Variants in PRKCE observed in about 807,000 individuals in gnomAD.
PRKCE encodes protein kinase C epsilon type.
Under a neutral mutation model 85.4 loss-of-function variants are expected in PRKCE, and 16 were observed. That is an observed-to-expected ratio of 0.19 (90% CI 0.13 to 0.28). The LOEUF (loss-of-function observed/expected upper bound fraction) is 0.28. Ranked by LOEUF, PRKCE falls within the 10% of genes least tolerant of loss-of-function variation. PRKCE has a pLI of 1.00. For synonymous variants in PRKCE, 388 were observed against 371.5 expected, an observed-to-expected ratio of 1.04 and a Z score of -0.51; for missense variants, 573 against 975.2, an observed-to-expected ratio of 0.59 and a Z score of 5.49.
rs182733246 is a variant in PRKCE, at chr2:45,921,347, A to T, written c.413-55082A>T. On this transcript the variant is annotated intron_variant, in intron 2 of 14. Transcript: ENST00000306156. ...GATGATAGGAAATATAAATTGTTGT[A>T]AAAAAAACACATACGTAGATATAGT... 2.7e-4 allele frequency among the ~76,000 whole-genome samples: 40 copies of T among 148,638 alleles called. 1 individual carries two copies. In the South Asian group the frequency reaches 3.3e-3, roughly 12 times the overall value.
At position 46,011,090 on chromosome 2, in the gene PRKCE, C is replaced by T. The variant is rs145928955; in HGVS notation, c.1437+573C>T. On this transcript the variant is annotated intron_variant, in intron 10 of 14. Transcript: ENST00000306156. Reference sequence around the variant, plus strand: ...CATAACTCCATGGTAGAGTCTGACTCGAGTATTATTAACTAATTTGTTACC... The same window carrying T: ...CATAACTCCATGGTAGAGTCTGACTTGAGTATTATTAACTAATTTGTTACC... 2.8e-4 allele frequency: 115 copies of T among 409,770 alleles called. 2 individuals carry two copies. The highest frequency in any genetic ancestry group is 2.1e-3 in the African/African-American group (105 of 49,086). 25.4% of individuals were successfully genotyped at this position (409,770 alleles called of 1,614,324 possible). A position where few individuals can be genotyped will look rare whatever the true frequency, so the allele number is the denominator to read the frequency against.
chr2:46,045,007 C>T (rs1708433297), intron 10 of PRKCE, among the ~76,000 whole-genome samples: 1 of 152,196 alleles, frequency 6.6e-6, no homozygotes, highest in Non-Finnish European at 1.5e-5. Flanking sequence ...ATACATAAAA[C>T]CATATATGCT....
chr2:45,754,670 TAGG>T (rs1683857389), intron 1 of PRKCE, among the ~76,000 whole-genome samples: 1 of 152,150 alleles, frequency 6.6e-6, no homozygotes, highest in Admixed American at 6.5e-5. Flanking sequence ...ATCCCTCATG[TAGG>T]TGTTTTGAAC....
chr2:45,751,809 A>ATTTTTTTTTTTTT (rs34589907), intron 1 of PRKCE, among the ~76,000 whole-genome samples: 4 of 78,526 alleles, frequency 5.1e-5, no homozygotes, highest in African/African-American at 5.6e-5. Context: ...GCTAACCACT[A>ATTTTTTTTTTTTT]TTTTTTTTTT....
chr2:45,771,566 A>G (rs986641998), intron 1 of PRKCE, among the ~76,000 whole-genome samples: 2 of 152,182 alleles, frequency 1.3e-5, no homozygotes, highest in Non-Finnish European at 2.9e-5. Flanking sequence ...CCTCCCTCTG[A>G]GAGCCGCCCA....
At chr2:46,054,272 G>A (rs1395948484) in intron 10 of PRKCE, among the ~76,000 whole-genome samples, 1 of 152,226 alleles carries the variant, frequency 6.6e-6, no homozygotes, top group Non-Finnish European at 1.5e-5. Flanking sequence ...GATGGGCAGT[G>A]TGGCTATGGG....
In PRKCE at chr2:45,659,493, C is replaced by G. The variant is rs1675534970; in HGVS notation, c.348+7045C>G. 2.6e-5 allele frequency among the ~76,000 whole-genome samples: 4 copies of G among 152,218 alleles called. No individual in the cohort carries two copies. In the South Asian group the frequency reaches 8.3e-4, roughly 32 times the overall value. On this transcript the variant is annotated intron_variant, in intron 1 of 14. Transcript: ENST00000306156. The stretch of plus-strand genomic sequence containing the variant: ...CCTGTCCTGGCTTCTCAGCTCCTGT[C>G]TCTGCTCACAGATCTCTCAGGTGAG...
intron 1 of PRKCE, among the ~76,000 whole-genome samples, chr2:45,661,896 AAT>A (rs202175755): frequency 0.014 from 2,119 of 152,174 alleles, 46 homozygotes; most frequent in African/African-American, 0.048. Flanking sequence ...TGAGGAGAAA[AAT>A]AGTCTTTGAT....
At chr2:46,097,444 T>C (rs1467932495) in intron 11 of PRKCE, among the ~76,000 whole-genome samples, 1 of 147,858 alleles carries the variant, frequency 6.8e-6, no homozygotes, top group Admixed American at 6.8e-5. Flanking sequence ...GGCGTGAACC[T>C]GGGAGGCGGA....
intron 1 of PRKCE, among the ~76,000 whole-genome samples, chr2:45,677,352 GTTTT>G (rs1209642358): frequency 7.1e-6 from 1 of 140,834 alleles, no homozygotes; most frequent in Non-Finnish European, 1.5e-5. Context: ...TGTTGTTGTT[GTTTT>G]TTTTTTTTTT....
intron 11 of PRKCE, among the ~76,000 whole-genome samples, chr2:46,143,468 A>G: frequency 6.6e-6 from 1 of 152,126 alleles, no homozygotes; most frequent in East Asian, 1.9e-4. Flanking sequence ...GAGTGTGACA[A>G]TGTTAAAGAC....
chr2:46,020,457 T>A (rs28398174), intron 10 of PRKCE, among the ~76,000 whole-genome samples: 4 of 152,068 alleles, frequency 2.6e-5, no homozygotes, highest in African/African-American at 7.2e-5. Flanking sequence ...TGTATACAGG[T>A]GTCATTTCCT....
At chr2:45,728,136 CA>C (rs1681245572) in intron 1 of PRKCE, among the ~76,000 whole-genome samples, 1 of 152,160 alleles carries the variant, frequency 6.6e-6, no homozygotes, top group African/African-American at 2.4e-5. Flanking sequence ...AGTGTGACTC[CA>C]CATCCTTTCA....
intron 2 of PRKCE, among the ~76,000 whole-genome samples, chr2:45,868,332 A>AAC (rs1553435676): frequency 1.7e-4 from 25 of 144,662 alleles, no homozygotes; most frequent in Non-Finnish European, 2.1e-4. Context: ...AAAAAAAAAA[A>AAC]AAAAAAAAAA....
intron 1 of PRKCE, among the ~76,000 whole-genome samples, chr2:45,680,913 A>C (rs1027704827): frequency 6.6e-6 from 1 of 152,234 alleles, no homozygotes; most frequent in African/African-American, 2.4e-5. Context: ...ACTGTGTTCC[A>C]GGCCACCAGA....
intron 1 of PRKCE, among the ~76,000 whole-genome samples, chr2:45,691,156 C>T (rs1417151846): frequency 1.3e-5 from 2 of 152,144 alleles, no homozygotes; most frequent in South Asian, 2.1e-4. Flanking sequence ...TGGAAACCAG[C>T]GAGCTGTGTC....
At chr2:45,979,330 G>A (rs960739157) in intron 4 of PRKCE, among the ~76,000 whole-genome samples, 1 of 152,156 alleles carries the variant, frequency 6.6e-6, no homozygotes, top group East Asian at 1.9e-4. Context: ...CTCTTTGAAA[G>A]TCCCACTTTG....
intron 1 of PRKCE, among the ~76,000 whole-genome samples, chr2:45,666,861 G>T (rs376704820): frequency 2.1e-4 from 32 of 152,124 alleles, no homozygotes; most frequent in South Asian, 1.5e-3. Context: ...ATTTATTTAA[G>T]TGGGGGTCTT....
chr2:46,151,279 C>CCACA (rs750604006), intron 13 of PRKCE, 50 bp downstream of exon 13: 4 of 1,010,544 alleles, frequency 4.0e-6, no homozygotes, highest in East Asian at 2.7e-5. Flanking sequence ...GCTCCTCCCC[C>CCACA]TACACACACA....
Sources: gnomAD v4.1 joint callset for allele counts (sites outside exome capture counted in the v4.1 genomes callset) on GRCh38, gnomAD v4.1.1 for gene constraint, MANE v1.5 for transcripts, NCBI Gene and HGNC (gene_info 2026-07-23, HGNC 2026-07-21) for gene names.